The following ATF7IP variants were observed in gnomAD, a reference collection of about 807,000 sequenced individuals.
The protein encoded by ATF7IP is activating transcription factor 7 interacting protein, also known as activating transcription factor 7-interacting protein 1.
A neutral mutation model predicts 106.4 loss-of-function variants in ATF7IP; 23 were observed. The ratio of observed to expected loss-of-function variants is 0.22; its 90% CI spans 0.16 to 0.31. ATF7IP has a LOEUF of 0.31. Among genes scored for constraint, ATF7IP ranks in the 10% least tolerant of loss-of-function variants. ATF7IP has a pLI of 1.00. For synonymous variants in ATF7IP, 542 were observed against 539.0 expected, an observed-to-expected ratio of 1.01 and a Z score of -0.08; for missense variants, 1,334 against 1,524.3, an observed-to-expected ratio of 0.88 and a Z score of 2.08.
At chr12:14,479,870 G>A (rs1944380530) in intron 12 of ATF7IP, among the ~76,000 whole-genome samples, 1 of 151,948 alleles carries the variant, frequency 6.6e-6, no homozygotes, top group Admixed American at 6.6e-5. Context: ...TTCAACCTTG[G>A]GAGCTGTATT....
chr12:14,500,254 T>C lies in ATF7IP; in HGVS notation c.*2181T>C, dbSNP rs1945126821. 1 of 152,216 alleles carries C rather than the reference T, an allele frequency of 6.6e-6. No homozygotes were observed. The highest frequency in any genetic ancestry group is 2.4e-5 in the African/African-American group (1 of 41,458). 9.4% of individuals were successfully genotyped at this position (152,216 alleles called of 1,614,324 possible). On this transcript the variant is annotated 3_prime_UTR_variant, in exon 15 of 15. Transcript: ENST00000261168. ...TATTCTAGTTGTAAAGAAAACTCTT[T>C]AGAGACTTTTGACTGGTCAGTATAC...
intron 9 of ATF7IP, among the ~76,000 whole-genome samples, chr12:14,461,881 A>T (rs1460597378): frequency 6.6e-6 from 1 of 152,158 alleles, no homozygotes; most frequent in Non-Finnish European, 1.5e-5. Flanking sequence ...TGTCTAGTAA[A>T]ATTGCTACAG....
In ATF7IP at chr12:14,406,076, A is replaced by G. The variant is rs188567000; in HGVS notation, c.-7-17833A>G. Reference sequence around the variant, plus strand: ...AAAGTGATATTTGATATATGGGATTATTAAATGTTCTCACTTGTATTGCTT... The same window carrying G: ...AAAGTGATATTTGATATATGGGATTGTTAAATGTTCTCACTTGTATTGCTT... On this transcript the variant is annotated intron_variant, in intron 1 of 14. Transcript: ENST00000261168. 3.9e-5 allele frequency among the ~76,000 whole-genome samples: 6 copies of G among 152,298 alleles called. No individual in the cohort carries two copies. The East Asian group carries it at 1.2e-3, about 29-fold the overall frequency.
chr12:14,482,124 C>T (rs1944450499), intron 13 of ATF7IP: 1 of 152,112 alleles, frequency 6.6e-6, no homozygotes, highest in Non-Finnish European at 1.5e-5. Flanking sequence ...TTTCAGTATC[C>T]TGTAAGTGGT....
At chr12:14,378,368 G>A (rs1250637448) in intron 1 of ATF7IP, among the ~76,000 whole-genome samples, 2 of 152,156 alleles carry the variant, frequency 1.3e-5, no homozygotes, top group Non-Finnish European at 2.9e-5. Flanking sequence ...AAAGTGCTGG[G>A]ATTACAGGCG....
At chr12:14,452,288 A>C (rs71459155) in intron 6 of ATF7IP, among the ~76,000 whole-genome samples, 3,151 of 152,258 alleles carry the variant, frequency 0.021, 35 homozygotes, top group Middle Eastern at 0.031. Context: ...TTATTTTAAA[A>C]AACATTAAGT....
chr12:14,446,129 G>A (rs1942944100), intron 5 of ATF7IP, among the ~76,000 whole-genome samples: 1 of 151,840 alleles, frequency 6.6e-6, no homozygotes, highest in East Asian at 1.9e-4. Context: ...ACACAAACAA[G>A]GTAATGGGTT....
chr12:14,436,221 C>T lies in ATF7IP; in HGVS notation c.1761C>T (p.Ala587=). 1 of 1,613,294 alleles carries T rather than the reference C, an allele frequency of 6.2e-7. No individual in the cohort carries two copies. The highest frequency in any genetic ancestry group is 8.5e-7 in the Non-Finnish European group (1 of 1,179,628). ...CAGAATTTCAAGTAAAGATTACAGC[C>T]AAAGGAGACATTAACCAGAAACTTC... ...YEAEFQVKIT[A]KGDINQKLQK... Residue 587 remains alanine (A), a synonymous_variant, in exon 4 of 15, where the codon GCC becomes GCT. Transcript: ENST00000261168.
At chr12:14,451,135 G>C (rs1943186344) in intron 6 of ATF7IP, among the ~76,000 whole-genome samples, 1 of 151,966 alleles carries the variant, frequency 6.6e-6, no homozygotes, top group Admixed American at 6.6e-5. Context: ...GGTGGGTTGT[G>C]TGTTTTTAGG....
chr12:14,415,093 C>T (rs1019495134), intron 1 of ATF7IP, among the ~76,000 whole-genome samples: 7 of 152,026 alleles, frequency 4.6e-5, no homozygotes, highest in Non-Finnish European at 8.8e-5. Context: ...TCTTAAATGC[C>T]TGTGGAGATA....
At chr12:14,367,346 A>G (rs543420924) in intron 1 of ATF7IP, 9 of 152,200 alleles carry the variant, frequency 5.9e-5, no homozygotes, top group African/African-American at 1.9e-4. Flanking sequence ...TATGAGATAG[A>G]ATGGAGGTAG....
chr12:14,494,337 G>GTATA (rs1944937987), intron 13 of ATF7IP, among the ~76,000 whole-genome samples: 1 of 104,324 alleles, frequency 9.6e-6, no homozygotes, highest in Non-Finnish European at 2.0e-5. Context: ...ATATATATGT[G>GTATA]TGTGTGTATA....
chr12:14,387,899 A>G (rs1028904891), intron 1 of ATF7IP, among the ~76,000 whole-genome samples: 2 of 152,192 alleles, frequency 1.3e-5, no homozygotes, highest in Non-Finnish European at 2.9e-5. Context: ...TCTAAGAGAA[A>G]TGTTAGGGTG....
intron 9 of ATF7IP, among the ~76,000 whole-genome samples, chr12:14,464,770 G>C (rs1943765866): frequency 2.0e-5 from 3 of 152,226 alleles, no homozygotes; most frequent in Admixed American, 1.3e-4. Context: ...TATCATTACA[G>C]TTTTGTGAAT....
chr12:14,390,653 T>C (rs1456277292), intron 1 of ATF7IP, among the ~76,000 whole-genome samples: 2 of 152,252 alleles, frequency 1.3e-5, no homozygotes, highest in East Asian at 1.9e-4. Flanking sequence ...AGTTTATCAC[T>C]GAAAATAATG....
At chr12:14,494,333 A>ATATATATG (rs1234871100) in intron 13 of ATF7IP, among the ~76,000 whole-genome samples, 157 of 85,866 alleles carry the variant, frequency 1.8e-3, no homozygotes, top group Non-Finnish European at 2.6e-3. Context: ...ATATATATAT[A>ATATATATG]TGTGTGTGTG....
At chr12:14,392,299 G>A (rs1396529184) in intron 1 of ATF7IP, among the ~76,000 whole-genome samples, 1 of 151,942 alleles carries the variant, frequency 6.6e-6, no homozygotes, top group African/African-American at 2.4e-5. Context: ...TGGTCTACTG[G>A]GTAGTTTAGA....
chr12:14,411,382 GC>G lies in ATF7IP; in HGVS notation c.-7-12525del, dbSNP rs1358143407. ...TTGCTGATGACTAATGATGTTTACT[GC>G]CTATGAACTATTGGCTTATAAAAGC... is the stretch of plus-strand genomic sequence containing the variant. On this transcript the variant is annotated intron_variant, in intron 1 of 14. Coordinates refer to ENST00000261168, the MANE Select transcript of ATF7IP (RefSeq NM_018179.5). Among the ~76,000 whole-genome samples, 6 of 152,204 alleles carry G rather than the reference GC, an allele frequency of 3.9e-5. No homozygotes were observed. The South Asian group carries it at 1.2e-3, about 32-fold the overall frequency.
chr12:14,426,823 C>CAAAAAAAA lies in ATF7IP; in HGVS notation c.1558+1370_1558+1377dup, dbSNP rs1491532843. On this transcript the variant is annotated intron_variant, in intron 2 of 14. Transcript: ENST00000261168. The stretch of plus-strand genomic sequence containing the variant: ...TGGGTGACAAAGTAAGACCCTGCCT[C>CAAAAAAAA]AAAAAAAAAAAAAAAAAAAAAAAAA... Among the ~76,000 whole-genome samples the CAAAAAAAA allele has an allele frequency of 1.6e-3, 25 of 16,050 alleles. 1 individual carries two copies. The highest frequency in any genetic ancestry group is 2.4e-3 in the Non-Finnish European group (23 of 9,618). 10.5% of individuals were successfully genotyped at this position (16,050 alleles called of 152,430 possible). A position where few individuals can be genotyped will look rare whatever the true frequency, so the allele number is the denominator to read the frequency against.
Sources: allele counts gnomAD v4.1 joint callset (sites outside exome capture counted in the v4.1 genomes callset), GRCh38; gene constraint gnomAD v4.1.1; transcripts MANE v1.5; gene names NCBI Gene and HGNC (gene_info 2026-07-23, HGNC 2026-07-21).